EIF4EBP2: variants seen among roughly 807,000 people sequenced by gnomAD.
EIF4EBP2 encodes eukaryotic translation initiation factor 4E binding protein 2, also known as eukaryotic translation initiation factor 4E-binding protein 2.
A neutral mutation model predicts 10.3 loss-of-function variants in EIF4EBP2; 5 were observed. That is an observed-to-expected ratio of 0.48 (90% CI 0.25 to 1.02). The LOEUF (loss-of-function observed/expected upper bound fraction) is 1.02, where lower values mean the gene tolerates loss of function less well. Among genes scored for constraint, EIF4EBP2 ranks in the 50% least tolerant of loss-of-function variants. EIF4EBP2 has a pLI of 0.15. For synonymous variants in EIF4EBP2, 67 were observed against 61.1 expected (o/e 1.10, Z -0.45); for missense variants, 188 against 162.2 (o/e 1.16, Z -0.86).
At chr10:70,405,621 G>T (rs537219185) in intron 1 of EIF4EBP2, among the ~76,000 whole-genome samples, 2 of 152,226 alleles carry the variant, frequency 1.3e-5, no homozygotes, top group South Asian at 2.1e-4. Flanking sequence ...CTGCGGTCTA[G>T]AGGATTGCTA....
In EIF4EBP2 at chr10:70,424,857, A is replaced by T. The variant is rs372080512; in HGVS notation, c.*3110A>T. On this transcript the variant is annotated 3_prime_UTR_variant, in exon 3 of 3. Transcript: ENST00000373218. ...AGCATTTTCAAGGGCACAGATACAG[A>T]GAAGCTGGCTTTCTAGGTATTGGGC... 9 of 152,380 alleles carry T rather than the reference A, an allele frequency of 5.9e-5. No homozygotes were observed. The East Asian group carries it at 1.5e-3, about 26-fold the overall frequency. The allele number at this position is 152,380 out of a possible 1,614,324, so 9.4% of individuals were successfully genotyped here. A position where few individuals can be genotyped will look rare whatever the true frequency, so the allele number is the denominator to read the frequency against.
intron 1 of EIF4EBP2, among the ~76,000 whole-genome samples, chr10:70,406,838 T>C (rs1385762137): frequency 6.6e-6 from 1 of 152,262 alleles, no homozygotes; most frequent in Non-Finnish European, 1.5e-5. Flanking sequence ...TGGCTCTTCT[T>C]TACTGTTGAG....
At chr10:70,408,455 T>C (rs1845007083) in intron 1 of EIF4EBP2, among the ~76,000 whole-genome samples, 1 of 152,234 alleles carries the variant, frequency 6.6e-6, no homozygotes, top group South Asian at 2.1e-4. Context: ...TTTAATATCT[T>C]TATAAGGACA....
At chr10:70,404,681 C>A in intron 1 of EIF4EBP2, 135 bp downstream of exon 1, 1 of 1,198,972 alleles carries the variant, frequency 8.3e-7, no homozygotes, top group Non-Finnish European at 1.1e-6. Context: ...CTTGGGCCCG[C>A]CCGAGCGTTC....
chr10:70,406,082 A>G (rs1016924362), intron 1 of EIF4EBP2, among the ~76,000 whole-genome samples: 2 of 152,120 alleles, frequency 1.3e-5, no homozygotes, highest in Non-Finnish European at 1.5e-5. Flanking sequence ...CCTGGGCTCA[A>G]GCGATCCTCC....
intron 1 of EIF4EBP2, among the ~76,000 whole-genome samples, chr10:70,407,542 A>T (rs1399334696): frequency 6.6e-6 from 1 of 152,034 alleles, no homozygotes; most frequent in Non-Finnish European, 1.5e-5. Context: ...CAACCATCCG[A>T]TTTCTCAATC....
At chr10:70,411,345 A>G (rs1845041882) in intron 1 of EIF4EBP2, among the ~76,000 whole-genome samples, 1 of 152,160 alleles carries the variant, frequency 6.6e-6, no homozygotes, top group South Asian at 2.1e-4. Context: ...TTCGTAAATG[A>G]ACATTCATCA....
At chr10:70,419,275 A>C (rs1002402735) in intron 1 of EIF4EBP2, among the ~76,000 whole-genome samples, 5 of 152,234 alleles carry the variant, frequency 3.3e-5, no homozygotes, top group African/African-American at 1.2e-4. Flanking sequence ...TTTATCAGTT[A>C]AAGTGTACTC....
intron 1 of EIF4EBP2, among the ~76,000 whole-genome samples, chr10:70,405,202 G>A (rs1048053752): frequency 6.6e-6 from 1 of 152,176 alleles, no homozygotes; most frequent in Admixed American, 6.5e-5. Flanking sequence ...GGGTGGTAGG[G>A]TGCTGACAGC....
intron 1 of EIF4EBP2, among the ~76,000 whole-genome samples, chr10:70,414,129 T>A (rs1461096936): frequency 6.6e-6 from 1 of 152,222 alleles, no homozygotes; most frequent in Non-Finnish European, 1.5e-5. Context: ...TGATGTAAGT[T>A]TATAGTAAAC....
At chr10:70,405,701 C>T (rs907671061) in intron 1 of EIF4EBP2, among the ~76,000 whole-genome samples, 4 of 152,154 alleles carry the variant, frequency 2.6e-5, no homozygotes, top group African/African-American at 7.2e-5. Context: ...CCTGGACCAT[C>T]CTTAAATCAG....
rs1364138193 is a variant in EIF4EBP2 at position 70,404,305 on chromosome 10, G to T, written c.-97G>T. The stretch of plus-strand genomic sequence containing the variant: ...GGAGGAAGCGAGCGAGGAGCGCGCA[G>T]AGCGCGCTTTTCCGTCCGCCTGAGG... On this transcript the variant is annotated 5_prime_UTR_variant, in exon 1 of 3. Transcript: ENST00000373218. 4 of 1,382,834 alleles carry T rather than the reference G, an allele frequency of 2.9e-6. No individual in the cohort carries two copies. The African/African-American group carries it at 4.6e-5, about 16-fold the overall frequency. The allele number at this position is 1,382,834 out of a possible 1,614,324, so 85.7% of individuals were successfully genotyped here.
At chr10:70,413,609 CAAAAAAAAAAA>C (rs57681671) in intron 1 of EIF4EBP2, among the ~76,000 whole-genome samples, 8 of 97,338 alleles carry the variant, frequency 8.2e-5, no homozygotes, top group Admixed American at 3.6e-4. Flanking sequence ...CCCTGACTCT[CAAAAAAAAAAA>C]AAAAAAAAAA....
At position 70,427,539 on chromosome 10, in the gene EIF4EBP2, C is replaced by CT. The variant is rs1845215886; in HGVS notation, c.*5793dup. On this transcript the variant is annotated 3_prime_UTR_variant, in exon 3 of 3. Coordinates refer to ENST00000373218, the MANE Select transcript of EIF4EBP2 (RefSeq NM_004096.5). ...AGTCACTTACATCACCTAGCCTACT[C>CT]TCTGGAATTTAAATTTATTTCTCTA... 2 of 152,174 alleles carry CT rather than the reference C, an allele frequency of 1.3e-5. No homozygotes were observed. The highest frequency in any genetic ancestry group is 4.8e-5 in the African/African-American group (2 of 41,436). 9.4% of individuals were successfully genotyped at this position (152,174 alleles called of 1,614,324 possible).
At chr10:70,405,446 A>G (rs1447524005) in intron 1 of EIF4EBP2, among the ~76,000 whole-genome samples, 2 of 152,242 alleles carry the variant, frequency 1.3e-5, no homozygotes, top group East Asian at 3.9e-4. Flanking sequence ...AGAGAGCTCA[A>G]AGGTTGTCTG....
At chr10:70,413,849 C>G (rs1845067547) in intron 1 of EIF4EBP2, among the ~76,000 whole-genome samples, 1 of 152,084 alleles carries the variant, frequency 6.6e-6, no homozygotes, top group Non-Finnish European at 1.5e-5. Context: ...ATCAATTGAT[C>G]ACAATCATGC....
Position 70,404,285 on chromosome 10 carries a change from A to G in EIF4EBP2, c.-117A>G. ...CGGAGCGGGACGAGGGAACGGGAGG[A>G]AGCGAGCGAGGAGCGCGCAGAGCGC... On this transcript the variant is annotated 5_prime_UTR_variant, in exon 1 of 3. Transcript: ENST00000373218. 7.7e-7 allele frequency: 1 copy of G among 1,306,654 alleles called. No homozygotes were observed. The highest frequency in any genetic ancestry group is 3.8e-5 in the Admixed American group (1 of 26,150). The allele number at this position is 1,306,654 out of a possible 1,614,324, so 80.9% of individuals were successfully genotyped here. A position where few individuals can be genotyped will look rare whatever the true frequency, so the allele number is the denominator to read the frequency against.
At chr10:70,420,216 T>C in intron 2 of EIF4EBP2, 117 bp downstream of exon 2, 1 of 1,062,428 alleles carries the variant, frequency 9.4e-7, no homozygotes, top group Non-Finnish European at 1.3e-6. Context: ...TTTGTTTTTT[T>C]TGAGACACAG....
intron 1 of EIF4EBP2, among the ~76,000 whole-genome samples, chr10:70,414,616 C>T (rs995717918): frequency 2.0e-4 from 31 of 152,160 alleles, no homozygotes; most frequent in African/African-American, 7.5e-4. Context: ...GCCTGTAATC[C>T]TAGCACTTTG....
Sources: allele counts gnomAD v4.1 joint callset (sites outside exome capture counted in the v4.1 genomes callset), GRCh38; gene constraint gnomAD v4.1.1; transcripts MANE v1.5; gene names NCBI Gene and HGNC (gene_info 2026-07-23, HGNC 2026-07-21).